Variants in LRRC7 observed in about 807,000 individuals in gnomAD.
LRRC7 encodes the protein leucine rich repeat containing 7, also known as leucine-rich repeat-containing protein 7.
LRRC7 carries 23 observed loss-of-function variants against 175.7 expected under a neutral mutation model. That is an observed-to-expected ratio of 0.13 (90% CI 0.09 to 0.19). The LOEUF (loss-of-function observed/expected upper bound fraction) is 0.19. Ranked by LOEUF, LRRC7 falls within the 10% of genes least tolerant of loss-of-function variation. The pLI is 1.00. For missense variants in LRRC7, 1,354 were observed against 1,904.7 expected (o/e 0.71, Z 5.38); for synonymous variants, 685 against 680.9 (o/e 1.01, Z -0.09).
At chr1:69,936,969 A>G (rs1259504914) in intron 8 of LRRC7, among the ~76,000 whole-genome samples, 1 of 152,116 alleles carries the variant, frequency 6.6e-6, no homozygotes, top group African/African-American at 2.4e-5. Flanking sequence ...CCAGTCCACC[A>G]TTGATAGGCA....
At chr1:69,923,073 T>C (rs1389487072) in intron 7 of LRRC7, among the ~76,000 whole-genome samples, 4 of 152,076 alleles carry the variant, frequency 2.6e-5, no homozygotes, top group African/African-American at 9.7e-5. Context: ...CGGTGTTTGG[T>C]TTTTTGTCCT....
At chr1:69,824,949 C>G (rs17131032) in intron 4 of LRRC7, among the ~76,000 whole-genome samples, 2,536 of 152,254 alleles carry the variant, frequency 0.017, 64 homozygotes, top group African/African-American at 0.057. Context: ...CCATTTCTGT[C>G]AATTGATTGA....
intron 7 of LRRC7, among the ~76,000 whole-genome samples, chr1:69,905,430 C>T (rs939144360): frequency 6.6e-6 from 1 of 152,066 alleles, no homozygotes; most frequent in Non-Finnish European, 1.5e-5. Flanking sequence ...ACAACAGTCC[C>T]CAGAGTGTGA....
intron 1 of LRRC7, among the ~76,000 whole-genome samples, chr1:69,600,960 C>T (rs1569843488): frequency 6.6e-6 from 1 of 150,586 alleles, no homozygotes; most frequent in Non-Finnish European, 1.5e-5. Flanking sequence ...TACAGGCAGG[C>T]ACCTGCCACT....
intron 1 of LRRC7, among the ~76,000 whole-genome samples, chr1:69,651,804 G>T (rs1426230195): frequency 6.6e-6 from 1 of 152,150 alleles, no homozygotes; most frequent in Non-Finnish European, 1.5e-5. Flanking sequence ...TGCATGTAAA[G>T]TTCTAGCTCT....
intron 4 of LRRC7, among the ~76,000 whole-genome samples, chr1:69,800,749 C>A (rs1676380606): frequency 6.6e-6 from 1 of 151,852 alleles, no homozygotes; most frequent in Non-Finnish European, 1.5e-5. Flanking sequence ...TGGTTGAATA[C>A]TCTGGCTAGG....
intron 1 of LRRC7, among the ~76,000 whole-genome samples, chr1:69,601,321 C>T (rs1647061786): frequency 6.6e-6 from 1 of 152,196 alleles, no homozygotes; most frequent in Admixed American, 6.5e-5. Flanking sequence ...AACATGAGTT[C>T]ATACTCTTTC....
intron 7 of LRRC7, among the ~76,000 whole-genome samples, chr1:69,880,508 T>C (rs1163956522): frequency 1.3e-5 from 2 of 152,180 alleles, no homozygotes; most frequent in African/African-American, 4.8e-5. Context: ...GCCAACTTCT[T>C]AGATCCTCTT....
chr1:69,652,051 C>T (rs542790612), intron 1 of LRRC7, among the ~76,000 whole-genome samples: 28 of 152,228 alleles, frequency 1.8e-4, no homozygotes, highest in Admixed American at 1.8e-3. Context: ...AATGGCTACC[C>T]AAGCAACTGG....
intron 1 of LRRC7, among the ~76,000 whole-genome samples, chr1:69,662,134 C>A (rs1162106831): frequency 1.2e-4 from 18 of 152,026 alleles, no homozygotes; most frequent in Admixed American, 1.2e-3. Flanking sequence ...TTCTTCGTCT[C>A]TAAAAGACTA....
rs1558092275 is a variant in LRRC7, at chr1:70,128,796, G to A, written c.*6909G>A. The A allele has an allele frequency of 6.6e-6, 1 of 152,222 alleles. No individual in the cohort carries two copies. The highest frequency in any genetic ancestry group is 1.5e-5 in the Non-Finnish European group (1 of 68,060). 9.4% of individuals were successfully genotyped at this position (152,222 alleles called of 1,614,324 possible). A position where few individuals can be genotyped will look rare whatever the true frequency, so the allele number is the denominator to read the frequency against. On this transcript the variant is annotated 3_prime_UTR_variant, in exon 27 of 27. Transcript: ENST00000651989. ...ATCAAAGACAGTACAAGGCAATGTG[G>A]TGAGTCCCTTTATTCCTGCCCTCAA...
At chr1:70,044,414 G>A (rs1660169351) in intron 22 of LRRC7, among the ~76,000 whole-genome samples, 1 of 151,414 alleles carries the variant, frequency 6.6e-6, no homozygotes, top group Non-Finnish European at 1.5e-5. Flanking sequence ...TCTTTATTTT[G>A]TGTTTATATA....
chr1:69,675,064 C>G (rs1305619303), intron 1 of LRRC7, among the ~76,000 whole-genome samples: 1 of 152,100 alleles, frequency 6.6e-6, no homozygotes, highest in South Asian at 2.1e-4. Flanking sequence ...GTAACTTTAC[C>G]TAAAATCATC....
intron 5 of LRRC7, among the ~76,000 whole-genome samples, chr1:69,832,755 G>C (rs1407525358): frequency 6.6e-6 from 1 of 151,918 alleles, no homozygotes; most frequent in Non-Finnish European, 1.5e-5. Flanking sequence ...AATGTATACT[G>C]TATGTTCAAA....
chr1:69,672,499 A>AT (rs1659221129), intron 1 of LRRC7, among the ~76,000 whole-genome samples: 1 of 152,168 alleles, frequency 6.6e-6, no homozygotes, highest in Non-Finnish European at 1.5e-5. Context: ...AGTCACTTAT[A>AT]TTTCTTAGAC....
In LRRC7 at chr1:69,913,447, G is replaced by T. The variant is rs539212980; in HGVS notation, c.648-18060G>T. On this transcript the variant is annotated intron_variant, in intron 7 of 26. Coordinates refer to ENST00000651989, the MANE Select transcript of LRRC7 (RefSeq NM_001370785.2). ...TGCCATCAGACACTAGGTATTTAAT[G>T]TTTCCTGGTTTATAACAACAATAAG... Among the ~76,000 whole-genome samples the T allele has an allele frequency of 7.2e-5, 11 of 152,048 alleles. No homozygotes were observed. The East Asian group carries it at 2.1e-3, about 29-fold the overall frequency.
intron 1 of LRRC7, among the ~76,000 whole-genome samples, chr1:69,663,163 T>C (rs753013654): frequency 3.9e-5 from 6 of 152,180 alleles, no homozygotes; most frequent in Non-Finnish European, 7.3e-5. Context: ...TTTTTATTTA[T>C]TTTTTCTTAC....
chr1:69,912,533 C>A (rs1646562678), intron 7 of LRRC7, among the ~76,000 whole-genome samples: 1 of 152,174 alleles, frequency 6.6e-6, no homozygotes, highest in Non-Finnish European at 1.5e-5. Flanking sequence ...GGACCTTCAG[C>A]TCTGACAGAG....
chr1:70,081,383 A>G (rs933593182), intron 24 of LRRC7, among the ~76,000 whole-genome samples: 15 of 152,366 alleles, frequency 9.8e-5, no homozygotes, highest in African/African-American at 3.6e-4. Flanking sequence ...CAGAAATAAG[A>G]AGGAAAAACA....
Sources: gnomAD v4.1 joint callset for allele counts (sites outside exome capture counted in the v4.1 genomes callset) on GRCh38, gnomAD v4.1.1 for gene constraint, MANE v1.5 for transcripts, NCBI Gene and HGNC (gene_info 2026-07-23, HGNC 2026-07-21) for gene names.